The following PACRG variants were observed in gnomAD, a reference collection of about 807,000 sequenced individuals.
PACRG encodes parkin coregulated.
Under a neutral mutation model 29.7 loss-of-function variants are expected in PACRG, and 29 were observed. The observed-to-expected ratio is 0.98, with a 90% confidence interval of 0.73 to 1.33. The LOEUF is 1.33. Ranked by LOEUF, PACRG falls within the 40% of genes most tolerant of loss-of-function variation. The probability of loss-of-function intolerance (pLI) is 0.00; values close to 1 mark genes in which losing one functional copy is unlikely to be tolerated. For synonymous variants in PACRG, 116 were observed against 118.7 expected (o/e 0.98, Z 0.15); for missense variants, 279 against 316.2 (o/e 0.88, Z 0.89).
At chr6:162,985,945 C>A (rs1802847507) in intron 2 of PACRG, among the ~76,000 whole-genome samples, 1 of 147,790 alleles carries the variant, frequency 6.8e-6, no homozygotes, top group African/African-American at 2.5e-5. Flanking sequence ...AAGAACTCAA[C>A]CCCTTTCACA....
At chr6:163,140,775 T>A (rs1817121705) in intron 4 of PACRG, among the ~76,000 whole-genome samples, 1 of 151,838 alleles carries the variant, frequency 6.6e-6, no homozygotes, top group African/African-American at 2.4e-5. Context: ...TCCAAAGAAA[T>A]AAATAGGATA....
At chr6:163,131,030 G>A (rs982898547) in intron 4 of PACRG, among the ~76,000 whole-genome samples, 44 of 152,272 alleles carry the variant, frequency 2.9e-4, no homozygotes, top group African/African-American at 4.6e-4. Flanking sequence ...ACAGTCGGCC[G>A]GGCGCAGTGG....
chr6:163,150,664 C>T (rs1283611202), intron 4 of PACRG, among the ~76,000 whole-genome samples: 1 of 152,228 alleles, frequency 6.6e-6, no homozygotes, highest in Non-Finnish European at 1.5e-5. Context: ...CCTCTGTGCT[C>T]CTACCCGTAC....
chr6:163,270,048 A>G (rs1038819552), intron 4 of PACRG, among the ~76,000 whole-genome samples: 1 of 152,052 alleles, frequency 6.6e-6, no homozygotes. Context: ...GAAGAGAGAG[A>G]GAGAACAGGC....
At chr6:163,187,745 C>T (rs1318748726) in intron 4 of PACRG, 6 of 152,574 alleles carry the variant, frequency 3.9e-5, no homozygotes, top group Middle Eastern at 6.8e-3. Flanking sequence ...ACCCCAGCAT[C>T]CCAGGCCATG....
chr6:163,192,360 C>T (rs1780252431), intron 4 of PACRG, among the ~76,000 whole-genome samples: 1 of 152,230 alleles, frequency 6.6e-6, no homozygotes, highest in Non-Finnish European at 1.5e-5. Context: ...TTGTTTTTCT[C>T]TGTGCTGACA....
chr6:162,907,730 C>T (rs1041080860), intron 2 of PACRG, among the ~76,000 whole-genome samples: 2 of 152,042 alleles, frequency 1.3e-5, no homozygotes, highest in Non-Finnish European at 2.9e-5. Context: ...AATGCGTTTA[C>T]ACTTGAAATA....
intron 2 of PACRG, among the ~76,000 whole-genome samples, chr6:162,906,573 C>T (rs985393011): frequency 6.6e-5 from 10 of 152,208 alleles, no homozygotes; most frequent in Non-Finnish European, 1.5e-5. Flanking sequence ...AGGCATAGAT[C>T]AAGCACTGAT....
chr6:162,996,655 G>A (rs1438212895), intron 2 of PACRG, among the ~76,000 whole-genome samples: 1 of 152,068 alleles, frequency 6.6e-6, no homozygotes, highest in Non-Finnish European at 1.5e-5. Context: ...AAAATAGCAT[G>A]TGGAATTTAT....
chr6:163,303,318 T>C (rs1785073875), intron 4 of PACRG, among the ~76,000 whole-genome samples: 1 of 151,958 alleles, frequency 6.6e-6, no homozygotes, highest in South Asian at 2.1e-4. Flanking sequence ...CGTGAGACCC[T>C]GTCTCACAAA....
chr6:162,796,482 A>G (rs1562606013), intron 1 of PACRG, among the ~76,000 whole-genome samples: 3 of 151,944 alleles, frequency 2.0e-5, no homozygotes, highest in Non-Finnish European at 4.4e-5. Context: ...TTTTATGGTT[A>G]TCTTTATAAC....
intron 4 of PACRG, among the ~76,000 whole-genome samples, chr6:163,156,460 G>A (rs146123026): frequency 5.3e-4 from 80 of 152,116 alleles, no homozygotes; most frequent in African/African-American, 1.8e-3. Flanking sequence ...ATATCTGAGC[G>A]GTCTCCCTAC....
chr6:163,173,591 G>A (rs1240161259), intron 4 of PACRG, among the ~76,000 whole-genome samples: 2 of 152,216 alleles, frequency 1.3e-5, no homozygotes, highest in African/African-American at 4.8e-5. Flanking sequence ...CCTCACTGAT[G>A]AGAGAATCAC....
chr6:163,064,911 A>T (rs758749223), intron 3 of PACRG, among the ~76,000 whole-genome samples: 3 of 151,804 alleles, frequency 2.0e-5, no homozygotes, highest in Non-Finnish European at 1.5e-5. Flanking sequence ...TGAGGCAGTG[A>T]GCTGGGATTA....
intron 2 of PACRG, among the ~76,000 whole-genome samples, chr6:162,848,525 T>C (rs986216746): frequency 1.3e-5 from 2 of 152,212 alleles, no homozygotes; most frequent in African/African-American, 4.8e-5. Context: ...TGTGACAAGA[T>C]ATCAAGTAAA....
At chr6:163,177,919 G>A (rs1363625115) in intron 4 of PACRG, among the ~76,000 whole-genome samples, 1 of 151,858 alleles carries the variant, frequency 6.6e-6, no homozygotes, top group Non-Finnish European at 1.5e-5. Flanking sequence ...TCTCTTCCCT[G>A]CTGGACCATT....
intron 1 of PACRG, among the ~76,000 whole-genome samples, chr6:162,802,969 T>G (rs1487459643): frequency 6.6e-6 from 1 of 152,080 alleles, no homozygotes; most frequent in East Asian, 1.9e-4. Flanking sequence ...TTGGGAAAAG[T>G]TGCCCGTTTC....
At chr6:163,060,120 C>T (rs1271081467) in intron 2 of PACRG, among the ~76,000 whole-genome samples, 1 of 151,588 alleles carries the variant, frequency 6.6e-6, no homozygotes, top group African/African-American at 2.4e-5. Context: ...AACCGAAGAC[C>T]AAAAAATAAG....
intron 1 of PACRG, among the ~76,000 whole-genome samples, chr6:162,767,154 A>T (rs568054091): frequency 1.2e-3 from 176 of 152,056 alleles, no homozygotes; most frequent in African/African-American, 4.1e-3. Flanking sequence ...ACGTTATTGA[A>T]TTGTCCATAT....
Sources: gnomAD v4.1 joint callset for allele counts (sites outside exome capture counted in the v4.1 genomes callset) on GRCh38, gnomAD v4.1.1 for gene constraint, MANE v1.5 for transcripts, NCBI Gene and HGNC (gene_info 2026-07-23, HGNC 2026-07-21) for gene names.